MTDH: variants seen among roughly 807,000 people sequenced by gnomAD.
MTDH encodes the protein metadherin, also known as protein LYRIC.
Under a neutral mutation model 72.7 loss-of-function variants are expected in MTDH, and 34 were observed. That is an observed-to-expected ratio of 0.47 (90% CI 0.36 to 0.62). MTDH has a LOEUF of 0.62. Ranked by LOEUF, MTDH falls within the 20% of genes least tolerant of loss-of-function variation. The pLI is 0.00. For synonymous variants in MTDH, 266 were observed against 268.9 expected (o/e 0.99, Z 0.10); for missense variants, 677 against 699.4 (o/e 0.97, Z 0.36).
chr8:97,663,705 C>T (rs1041291703), intron 2 of MTDH, among the ~76,000 whole-genome samples: 4 of 142,732 alleles, frequency 2.8e-5, no homozygotes, highest in South Asian at 2.2e-4. Flanking sequence ...GTGGAGATCG[C>T]GCCACTGCAC....
chr8:97,723,159 G>A (rs1331723601), intron 11 of MTDH, 124 bp downstream of exon 11: 1 of 945,212 alleles, frequency 1.1e-6, no homozygotes, highest in South Asian at 2.2e-5. Flanking sequence ...AGCACTTTGG[G>A]AGGCCGAGGC....
intron 1 of MTDH, among the ~76,000 whole-genome samples, chr8:97,658,452 A>T (rs550623388): frequency 1.9e-4 from 29 of 152,222 alleles, no homozygotes; most frequent in Non-Finnish European, 3.8e-4. Flanking sequence ...GGGAGGCTAC[A>T]TCAATATTGT....
At position 97,729,377 on chromosome 8, in the gene MTDH, A is replaced by G. The variant is rs1158500399; in HGVS notation, c.*4707A>G. On this transcript the variant is annotated 3_prime_UTR_variant, in exon 12 of 12. Transcript: ENST00000336273. Reference sequence around the variant, plus strand: ...CACAATACATAAACTTCAATTTCAAACAGTTGCTTGGTCCCACTAGCCATG... The same window carrying G: ...CACAATACATAAACTTCAATTTCAAGCAGTTGCTTGGTCCCACTAGCCATG... Among the ~76,000 whole-genome samples, 1 of 152,114 alleles carries G rather than the reference A, an allele frequency of 6.6e-6. No homozygotes were observed. The highest frequency in any genetic ancestry group is 6.6e-5 in the Admixed American group (1 of 15,258).
chr8:97,700,717 C>A (rs1301458819), intron 7 of MTDH, among the ~76,000 whole-genome samples: 1 of 152,192 alleles, frequency 6.6e-6, no homozygotes, highest in African/African-American at 2.4e-5. Flanking sequence ...TCCACACTTT[C>A]CAGATGAAAA....
chr8:97,660,866 A>T (rs1028479741), intron 1 of MTDH, among the ~76,000 whole-genome samples: 6 of 151,074 alleles, frequency 4.0e-5, no homozygotes, highest in African/African-American at 1.2e-4. Flanking sequence ...TGTGGTACAG[A>T]ATTTTGCTTA....
chr8:97,711,589 G>A (rs1411052366), intron 8 of MTDH, among the ~76,000 whole-genome samples: 1 of 151,956 alleles, frequency 6.6e-6, no homozygotes, highest in Admixed American at 6.6e-5. Flanking sequence ...CCATAATACT[G>A]TACAGTAGCA....
chr8:97,694,677 T>C (rs1246824672), intron 6 of MTDH, among the ~76,000 whole-genome samples: 1 of 152,084 alleles, frequency 6.6e-6, no homozygotes, highest in Non-Finnish European at 1.5e-5. Flanking sequence ...ATCCTGGCAC[T>C]TTGCAGGGCT....
intron 1 of MTDH, among the ~76,000 whole-genome samples, chr8:97,655,199 T>C (rs1652897593): frequency 6.6e-6 from 1 of 152,226 alleles, no homozygotes; most frequent in African/African-American, 2.4e-5. Context: ...ACCTGTACTC[T>C]TGAGAGTGTG....
intron 8 of MTDH, among the ~76,000 whole-genome samples, chr8:97,708,264 CTTTTTTTTTTTTTTTTTTTTT>C (rs71271145): frequency 6.2e-5 from 2 of 32,044 alleles, no homozygotes; most frequent in African/African-American, 1.8e-4. Flanking sequence ...CATGCCAGGC[CTTTTTTTTTTTTTTTTTTTTT>C]TTTTTTTTTT....
chr8:97,702,506 A>T (rs1461546103), intron 7 of MTDH, among the ~76,000 whole-genome samples: 1 of 152,278 alleles, frequency 6.6e-6, no homozygotes, highest in African/African-American at 2.4e-5. Flanking sequence ...TATAGTAAAT[A>T]TGCAGTAAGT....
At chr8:97,706,388 G>T in intron 7 of MTDH, 1 of 256,984 alleles carries the variant, frequency 3.9e-6, no homozygotes, top group Non-Finnish European at 7.3e-6. Flanking sequence ...GGAATCAAAT[G>T]GCTAATAAAT....
At chr8:97,665,847 C>T (rs1429650424) in intron 2 of MTDH, among the ~76,000 whole-genome samples, 1 of 152,164 alleles carries the variant, frequency 6.6e-6, no homozygotes, top group Non-Finnish European at 1.5e-5. Context: ...AAAGATCTGG[C>T]CGGGCGCGGT....
intron 2 of MTDH, among the ~76,000 whole-genome samples, chr8:97,680,183 C>G (rs1224853174): frequency 6.6e-6 from 1 of 152,118 alleles, no homozygotes; most frequent in African/African-American, 2.4e-5. Context: ...AGTGATCCTC[C>G]CACCTCAGTC....
chr8:97,723,056 G>C, intron 11 of MTDH, 21 bp downstream of exon 11: 4 of 1,610,326 alleles, frequency 2.5e-6, no homozygotes, highest in Non-Finnish European at 3.4e-6. Flanking sequence ...CTCATTTTTT[G>C]TTCCTTTGTA....
At position 97,707,952 on chromosome 8, in the gene MTDH, A is replaced by G. The variant is rs565829720; in HGVS notation, c.1272+1202A>G. On this transcript the variant is annotated intron_variant, in intron 8 of 11. Transcript: ENST00000336273. ...GGATCAAGAAGCCTTTAACAAGTGGATGGATTGGTCTTTTTTTTTTTTCTT... is the reference window on the plus strand; with the variant it reads ...GGATCAAGAAGCCTTTAACAAGTGGGTGGATTGGTCTTTTTTTTTTTTCTT... 1.1e-4 allele frequency among the ~76,000 whole-genome samples: 17 copies of G among 150,860 alleles called. 1 individual carries two copies. The South Asian group carries it at 3.3e-3, about 30-fold the overall frequency.
chr8:97,683,676 A>C (rs910139003), intron 2 of MTDH, among the ~76,000 whole-genome samples: 2 of 152,026 alleles, frequency 1.3e-5, no homozygotes, highest in Non-Finnish European at 2.9e-5. Context: ...TTACAGGTGT[A>C]AACCACCGCA....
intron 2 of MTDH, among the ~76,000 whole-genome samples, chr8:97,674,886 C>T (rs1396218145): frequency 6.6e-6 from 1 of 152,068 alleles, no homozygotes; most frequent in Non-Finnish European, 1.5e-5. Flanking sequence ...CCAAGGTTCA[C>T]TGCAACCTTG....
At chr8:97,719,303 G>A in intron 10 of MTDH, 114 bp downstream of exon 10, 1 of 1,062,394 alleles carries the variant, frequency 9.4e-7, no homozygotes, top group Non-Finnish European at 1.3e-6. Flanking sequence ...GAGCAGCCTG[G>A]CCAACATAGT....
intron 6 of MTDH, among the ~76,000 whole-genome samples, chr8:97,699,018 G>A (rs992384738): frequency 6.6e-6 from 1 of 152,122 alleles, no homozygotes; most frequent in African/African-American, 2.4e-5. Flanking sequence ...AGGCAAGGTG[G>A]CTTATGCCTG....
Sources: gnomAD v4.1 joint callset for allele counts (sites outside exome capture counted in the v4.1 genomes callset) on GRCh38, gnomAD v4.1.1 for gene constraint, MANE v1.5 for transcripts, NCBI Gene and HGNC (gene_info 2026-07-23, HGNC 2026-07-21) for gene names.